Variants in FYCO1 observed in about 807,000 individuals in gnomAD.
FYCO1 encodes FYVE and coiled-coil domain autophagy adaptor 1, also known as FYVE and coiled-coil domain-containing protein 1.
A neutral mutation model predicts 165.1 loss-of-function variants in FYCO1; 122 were observed. The ratio of observed to expected loss-of-function variants is 0.74; its 90% CI spans 0.64 to 0.86. The LOEUF is 0.86. FYCO1 is among the 40% of genes least tolerant of loss of function. FYCO1 has a pLI of 0.00. For synonymous variants in FYCO1, 648 were observed against 742.5 expected, an observed-to-expected ratio of 0.87 and a Z score of 2.07; for missense variants, 1,702 against 1,810.3, an observed-to-expected ratio of 0.94 and a Z score of 1.09.
At chr3:45,922,122 C>G (rs1198877183) in intron 17 of FYCO1, among the ~76,000 whole-genome samples, 1 of 152,236 alleles carries the variant, frequency 6.6e-6, no homozygotes, top group Non-Finnish European at 1.5e-5. Context: ...TCTGAAGCAG[C>G]TGGTGGTGGG....
At chr3:45,950,578 C>G (rs549123661) in intron 14 of FYCO1, among the ~76,000 whole-genome samples, 1 of 152,146 alleles carries the variant, frequency 6.6e-6, no homozygotes, top group African/African-American at 2.4e-5. Flanking sequence ...CTCCAAGGGG[C>G]TCTCAAAGCA....
rs755356775 is a variant in FYCO1 at position 45,979,713 on chromosome 3, T to C, written c.280A>G (p.Ile94Val). Residue 94 changes from isoleucine to valine, a missense_variant, in exon 4 of 18, where the codon ATC becomes GTC. Physicochemically the swap from Ile to Val is conservative, Grantham distance 29. Coordinates refer to ENST00000296137, the MANE Select transcript of FYCO1 (RefSeq NM_024513.4). ...CTGCTTGCTCAGCTTACCTCTGAGATAGACTTGACAAAGCGGATCCCATCA... is the reference window on the plus strand; with the variant it reads ...CTGCTTGCTCAGCTTACCTCTGAGACAGACTTGACAAAGCGGATCCCATCA... ...ANDGIRFVKS[I>V]SELRTSLGKG... is the part of the protein sequence containing the mutation. 1.2e-6 allele frequency: 2 copies of C among 1,613,856 alleles called. No homozygotes were observed. The highest frequency in any genetic ancestry group is 2.2e-5 in the East Asian group (1 of 44,890).
At chr3:45,931,355 G>T in intron 15 of FYCO1, 74 bp from the exon 16 acceptor site, 1 of 1,422,512 alleles carries the variant, frequency 7.0e-7, no homozygotes, top group Non-Finnish European at 9.9e-7. Context: ...GTCATCTGTG[G>T]CTCAGAGGTG....
At chr3:45,994,968 T>C (rs565242319) in intron 1 of FYCO1, among the ~76,000 whole-genome samples, 1 of 152,224 alleles carries the variant, frequency 6.6e-6, no homozygotes, top group Non-Finnish European at 1.5e-5. Context: ...ACATGTGCTT[T>C]AACAGGGGGC....
intron 15 of FYCO1, among the ~76,000 whole-genome samples, chr3:45,935,705 T>C (rs985898525): frequency 1.3e-5 from 2 of 152,266 alleles, no homozygotes. Context: ...GTAACATTTA[T>C]ACAATATTGA....
At chr3:45,925,739 G>GAGGGGAGAACCGGCA (rs1703292533) in intron 16 of FYCO1, among the ~76,000 whole-genome samples, 4 of 152,270 alleles carry the variant, frequency 2.6e-5, no homozygotes, top group Admixed American at 2.6e-4. Flanking sequence ...AGAGTACCAT[G>GAGGGGAGAACCGGCA]AGGGGAGAAC....
chr3:45,950,158 C>T (rs1230334952), intron 14 of FYCO1, among the ~76,000 whole-genome samples: 1 of 152,056 alleles, frequency 6.6e-6, no homozygotes, highest in Admixed American at 6.5e-5. Flanking sequence ...TTGTCCACAC[C>T]AGCACATGGC....
At chr3:45,981,821 G>A in intron 2 of FYCO1, 145 bp from the exon 3 acceptor site, 1 of 693,462 alleles carries the variant, frequency 1.4e-6, no homozygotes. Context: ...GTATCCATGA[G>A]ATATAACTCC....
intron 14 of FYCO1, among the ~76,000 whole-genome samples, chr3:45,940,647 G>T (rs1025733192): frequency 6.6e-6 from 1 of 152,116 alleles, no homozygotes; most frequent in African/African-American, 2.4e-5. Context: ...GGATCTCTCA[G>T]GTCACCTGCT....
At chr3:45,992,593 G>A (rs1206086779) in intron 1 of FYCO1, among the ~76,000 whole-genome samples, 2 of 152,136 alleles carry the variant, frequency 1.3e-5, no homozygotes, top group Non-Finnish European at 2.9e-5. Flanking sequence ...ATCTGTCCTG[G>A]GGAAGTCATT....
chr3:45,949,944 G>C lies in FYCO1; in HGVS notation c.3944+5305C>G, dbSNP rs1327778426. 3.3e-5 allele frequency among the ~76,000 whole-genome samples: 5 copies of C among 152,214 alleles called. 1 individual carries two copies. Among genetic ancestry groups the C allele is most frequent in the Non-Finnish European group, 7.3e-5 (5 of 68,040 alleles). On this transcript the variant is annotated intron_variant, in intron 14 of 17. Coordinates refer to ENST00000296137, the MANE Select transcript of FYCO1 (RefSeq NM_024513.4). ...GTTTACCAACCCCTTCCCCTGGATA[G>C]GGGAATAAACGCGGGCACAGCACAT...
intron 17 of FYCO1, among the ~76,000 whole-genome samples, chr3:45,923,158 G>A (rs142170383): frequency 3.0e-4 from 45 of 152,344 alleles, no homozygotes; most frequent in Admixed American, 8.5e-4. Flanking sequence ...TGTCGCTCCC[G>A]CCACATGGCC....
At chr3:45,958,980 G>A (rs988142139) in intron 12 of FYCO1, among the ~76,000 whole-genome samples, 2 of 152,164 alleles carry the variant, frequency 1.3e-5, no homozygotes, top group African/African-American at 4.8e-5. Flanking sequence ...AGCCCAGCCC[G>A]AGATTCATCT....
At chr3:45,932,217 G>A (rs1352861273) in intron 15 of FYCO1, among the ~76,000 whole-genome samples, 1 of 152,196 alleles carries the variant, frequency 6.6e-6, no homozygotes, top group African/African-American at 2.4e-5. Flanking sequence ...AACTCTGGAG[G>A]CAGCTAGGTT....
At chr3:45,972,063 G>T (rs769942801) in intron 6 of FYCO1, among the ~76,000 whole-genome samples, 4 of 152,138 alleles carry the variant, frequency 2.6e-5, no homozygotes, top group Admixed American at 2.6e-4. Flanking sequence ...GTAAAATATC[G>T]ATAACTAGGG....
chr3:45,966,766 C>G lies in FYCO1; in HGVS notation c.2568G>C (p.Gln856His). The change falls in exon 8 of 18, where the codon CAG (glutamine) becomes CAC (histidine). Residue 856 changes from glutamine (Q) to histidine (H), a missense_variant. By Grantham distance (24) the Gln-to-His change is conservative. Coordinates refer to ENST00000296137, the MANE Select transcript of FYCO1 (RefSeq NM_024513.4). ...LQCSEREGAL[Q>H]EERADEAQQR... The stretch of plus-strand genomic sequence containing the variant: ...GCTGGGCCTCATCGGCCCTCTCCTC[C>G]TGCAGTGCCCCTTCACGCTCCGAGC... 6.2e-7 allele frequency: 1 copy of G among 1,610,376 alleles called. No individual in the cohort carries two copies. Among genetic ancestry groups the G allele is most frequent in the Non-Finnish European group, 8.5e-7 (1 of 1,179,996 alleles).
Position 45,964,311 on chromosome 3 carries a change from G to A in FYCO1, c.3269+25C>T, listed in dbSNP as rs1705867072. ...ACTCCTTCCCTGAAGACTACCGACA[G>A]CTACGTAGGTGGACTGTGACTAACC... On this transcript the variant is annotated intron_variant, in intron 10 of 17. Transcript: ENST00000296137. This position sits in a 1 kb window ranked among gnomAD's most constrained non-coding sequence, Gnocchi z 4.1. The A allele has an allele frequency of 6.5e-7, 1 of 1,538,624 alleles. No homozygotes were observed. Among genetic ancestry groups the A allele is most frequent in the Non-Finnish European group, 9.0e-7 (1 of 1,111,132 alleles).
At chr3:45,973,510 TA>T (rs956692966) in intron 5 of FYCO1, among the ~76,000 whole-genome samples, 2 of 152,192 alleles carry the variant, frequency 1.3e-5, no homozygotes, top group Non-Finnish European at 2.9e-5. Flanking sequence ...AAACATCAAT[TA>T]TTTGCCAAGA....
intron 7 of FYCO1, 101 bp from the exon 8 acceptor site, chr3:45,968,804 C>A (rs927500650): frequency 5.2e-6 from 7 of 1,337,236 alleles, no homozygotes; most frequent in Admixed American, 1.8e-5. Context: ...AAAATACAGG[C>A]ATTACCTGCC....
Sources: gnomAD v4.1 joint callset for allele counts (sites outside exome capture counted in the v4.1 genomes callset) on GRCh38, gnomAD v4.1.1 for gene constraint, Gnocchi (gnomAD v3.1) non-coding constraint, MANE v1.5 for transcripts, NCBI Gene and HGNC (gene_info 2026-07-23, HGNC 2026-07-21) for gene names.